The following U2SURP variants were observed in gnomAD, a reference collection of about 807,000 sequenced individuals.
U2SURP encodes U2 snRNP-associated SURP motif-containing protein.
A neutral mutation model predicts 144.9 loss-of-function variants in U2SURP; 9 were observed. The observed-to-expected ratio is 0.06, with a 90% confidence interval of 0.04 to 0.11. The LOEUF (loss-of-function observed/expected upper bound fraction) is 0.11, where lower values mean the gene tolerates loss of function less well. U2SURP is among the 10% of genes least tolerant of loss of function. The pLI is 1.00. For missense variants in U2SURP, 724 were observed against 1,226.7 expected (o/e 0.59, Z 6.12); for synonymous variants, 408 against 396.8 (o/e 1.03, Z -0.33).
In U2SURP at chr3:143,010,875, A is replaced by C; in HGVS notation, c.90+16A>C. 1 of 1,593,300 alleles carries C rather than the reference A, an allele frequency of 6.3e-7. No individual in the cohort carries two copies. The highest frequency in any genetic ancestry group is 8.6e-7 in the Non-Finnish European group (1 of 1,169,108). On this transcript the variant is annotated intron_variant, in intron 2 of 27. Coordinates refer to ENST00000473835, the MANE Select transcript of U2SURP (RefSeq NM_001080415.2). ...AGATGCACATGTGAGTATAGAAGGC[A>C]ATCTTTGTCTTTTTTCCTTTAAAAT...
At chr3:143,001,699 T>G (rs1439290794) in intron 1 of U2SURP, 26 bp downstream of exon 1, 1 of 1,613,122 alleles carries the variant, frequency 6.2e-7, no homozygotes, top group Non-Finnish European at 8.5e-7. Context: ...ATTTCGTAAG[T>G]CAGCGGATCT....
intron 21 of U2SURP, among the ~76,000 whole-genome samples, chr3:143,037,898 T>C (rs544153476): frequency 2.8e-4 from 43 of 152,282 alleles, no homozygotes; most frequent in Non-Finnish European, 5.3e-4. Context: ...TACTAACCTG[T>C]ATTTTCTGAA....
chr3:143,017,051 CTT>C lies in U2SURP; in HGVS notation c.570+78_570+79del, dbSNP rs1230326891. On this transcript the variant is annotated intron_variant, in intron 6 of 27. Transcript: ENST00000473835. Reference sequence around the variant, plus strand: ...AGTGATACTTCCACTGTAAGCAAGACTTTGGCTTTTTTTCGTTTTTGGTGGGG... The same window carrying C: ...AGTGATACTTCCACTGTAAGCAAGACTGGCTTTTTTTCGTTTTTGGTGGGG... 8 of 1,421,456 alleles carry C rather than the reference CTT, an allele frequency of 5.6e-6. No homozygotes were observed. The Admixed American group carries it at 1.3e-4, about 22-fold the overall frequency. The allele number at this position is 1,421,456 out of a possible 1,614,324, so 88.1% of individuals were successfully genotyped here. A position where few individuals can be genotyped will look rare whatever the true frequency, so the allele number is the denominator to read the frequency against.
rs372739578 is a variant in U2SURP, at chr3:143,043,219, G to A, written c.2487G>A (p.Lys829=). 8.7e-6 allele frequency: 14 copies of A among 1,604,524 alleles called. No individual in the cohort carries two copies. Among genetic ancestry groups the A allele is most frequent in the Non-Finnish European group, 1.2e-5 (14 of 1,174,942 alleles). The change falls in exon 24 of 28, where the codon AAG becomes AAA. Residue 829 remains lysine (K), a synonymous_variant. Coordinates refer to ENST00000473835, the MANE Select transcript of U2SURP (RefSeq NM_001080415.2). ...TCAAAGAAGAAATGACTGAGTCTAA[G>A]TTCTCTAAGTACTCTGAAATGAGTG... The part of the protein sequence containing the change: ...NPIKEEMTES[K]FSKYSEMSEE...
intron 25 of U2SURP, among the ~76,000 whole-genome samples, chr3:143,051,874 G>T (rs935547605): frequency 6.6e-6 from 1 of 151,874 alleles, no homozygotes; most frequent in South Asian, 2.1e-4. Flanking sequence ...TTATGAGTTA[G>T]ATAATAGCTA....
rs540416566 is a variant in U2SURP, at chr3:143,029,307, A to G, written c.1610+661A>G. Among the ~76,000 whole-genome samples, 321 of 152,364 alleles carry G rather than the reference A, an allele frequency of 2.1e-3. 3 individuals are homozygous for G. Among genetic ancestry groups the G allele is most frequent in the African/African-American group, 7.3e-3 (305 of 41,590 alleles). ...GTGCTCTGCAGATACAGTGTGTTTT[A>G]TAAATTGAAGGTTTGTGGCAACCCT... On this transcript the variant is annotated intron_variant, in intron 16 of 27. Transcript: ENST00000473835.
chr3:143,059,765 C>T lies in U2SURP; in HGVS notation c.*3315C>T, dbSNP rs1344025053. On this transcript the variant is annotated 3_prime_UTR_variant, in exon 28 of 28. Coordinates refer to ENST00000473835, the MANE Select transcript of U2SURP (RefSeq NM_001080415.2). ...CTTCTATTAAGTTTTAGTGAAAAGC[C>T]TAATTACAGAAAATTGTGCAGATAC... 1 of 151,774 alleles carries T rather than the reference C, an allele frequency of 6.6e-6. No homozygotes were observed. Among genetic ancestry groups the T allele is most frequent in the African/African-American group, 2.4e-5 (1 of 41,352 alleles). The allele number at this position is 151,774 out of a possible 1,614,324, so 9.4% of individuals were successfully genotyped here. A position where few individuals can be genotyped will look rare whatever the true frequency, so the allele number is the denominator to read the frequency against.
intron 3 of U2SURP, among the ~76,000 whole-genome samples, chr3:143,013,893 G>A (rs1936234131): frequency 6.6e-6 from 1 of 151,972 alleles, no homozygotes; most frequent in Non-Finnish European, 1.5e-5. Flanking sequence ...GAGTGTTGTA[G>A]GTGGTAAATT....
chr3:143,032,433 A>C (rs1293198587), intron 16 of U2SURP, among the ~76,000 whole-genome samples: 1 of 152,218 alleles, frequency 6.6e-6, no homozygotes, highest in East Asian at 1.9e-4. Context: ...TTAAAGTAAT[A>C]GACTTCCTTC....
chr3:143,035,663 AGTTTCTATGTAAGT>A (rs1933771744), intron 19 of U2SURP, among the ~76,000 whole-genome samples: 1 of 152,136 alleles, frequency 6.6e-6, no homozygotes, highest in African/African-American at 2.4e-5. Context: ...AGTTTTAGTA[AGTTTCTATGTAAGT>A]GTTTCTGGAA....
intron 25 of U2SURP, among the ~76,000 whole-genome samples, chr3:143,052,950 GTT>G (rs11436960): frequency 2.3e-5 from 3 of 132,920 alleles, no homozygotes; most frequent in Non-Finnish European, 1.6e-5. Flanking sequence ...AAATGTGTTG[GTT>G]TTTTTTTTTT....
intron 24 of U2SURP, among the ~76,000 whole-genome samples, chr3:143,043,943 C>G (rs933135228): frequency 6.6e-6 from 1 of 151,656 alleles, no homozygotes; most frequent in Non-Finnish European, 1.5e-5. Flanking sequence ...TTAGAAGAGA[C>G]AGGGATTGAC....
rs1472736038 is a variant in U2SURP at position 143,060,291 on chromosome 3, A to C, written c.*3841A>C. 6.6e-6 allele frequency: 1 copy of C among 152,226 alleles called. No individual in the cohort carries two copies. Among genetic ancestry groups the C allele is most frequent in the Admixed American group, 6.6e-5 (1 of 15,244 alleles). 9.4% of individuals were successfully genotyped at this position (152,226 alleles called of 1,614,324 possible). ...ATATCAGGAAAGACAGTTTGTCAGA[A>C]ATGAGAATAATATAGTTGAAATCAG... is the stretch of plus-strand genomic sequence containing the variant. On this transcript the variant is annotated 3_prime_UTR_variant, in exon 28 of 28. Coordinates refer to ENST00000473835, the MANE Select transcript of U2SURP (RefSeq NM_001080415.2).
chr3:143,047,765 C>T lies in U2SURP; in HGVS notation c.2545-3174C>T, dbSNP rs1934602504. On this transcript the variant is annotated intron_variant, in intron 24 of 27. Transcript: ENST00000473835. ...CCGGGCGGGGGGCTGACCCTCCCAC[C>T]TCCCTCCTGAACGGGGCGACTGGCC... 2.6e-5 allele frequency among the ~76,000 whole-genome samples: 2 copies of T among 77,218 alleles called. 1 individual carries two copies. The highest frequency in any genetic ancestry group is 5.4e-5 in the Non-Finnish European group (2 of 37,218). The allele number at this position is 77,218 out of a possible 152,430, so 50.7% of individuals were successfully genotyped here. A position where few individuals can be genotyped will look rare whatever the true frequency, so the allele number is the denominator to read the frequency against.
intron 1 of U2SURP, 90 bp downstream of exon 1, chr3:143,001,763 A>G: frequency 6.5e-7 from 1 of 1,544,762 alleles, no homozygotes; most frequent in East Asian, 2.3e-5. Context: ...GGCGATTGGG[A>G]TTGGGGTCTG....
intron 24 of U2SURP, among the ~76,000 whole-genome samples, chr3:143,047,646 C>CTCCT (rs1934589458): frequency 2.1e-5 from 1 of 48,772 alleles, no homozygotes; most frequent in South Asian, 7.0e-4. Context: ...TCCCGCCTCC[C>CTCCT]GGACGGGGCG....
At chr3:143,006,803 A>G (rs1197628657) in intron 1 of U2SURP, among the ~76,000 whole-genome samples, 1 of 152,192 alleles carries the variant, frequency 6.6e-6, no homozygotes, top group East Asian at 1.9e-4. Context: ...AGTCAGCACA[A>G]TGCAATTAAG....
chr3:143,049,857 C>T (rs908673406), intron 24 of U2SURP, among the ~76,000 whole-genome samples: 9 of 152,232 alleles, frequency 5.9e-5, no homozygotes, highest in African/African-American at 2.2e-4. Flanking sequence ...GGTTTTTCCT[C>T]TCCCTGTAAC....
intron 24 of U2SURP, among the ~76,000 whole-genome samples, chr3:143,045,256 C>A (rs1227656000): frequency 2.0e-5 from 3 of 151,780 alleles, no homozygotes; most frequent in Non-Finnish European, 4.4e-5. Context: ...GTAGTCCCCG[C>A]TACTCAGGAG....
Sources: gnomAD v4.1 joint callset for allele counts (sites outside exome capture counted in the v4.1 genomes callset) on GRCh38, gnomAD v4.1.1 for gene constraint, MANE v1.5 for transcripts, NCBI Gene and HGNC (gene_info 2026-07-23, HGNC 2026-07-21) for gene names.